The following SLC24A2 variants were observed in gnomAD, a reference collection of about 807,000 sequenced individuals.
SLC24A2 encodes the protein solute carrier family 24 member 2.
Under a neutral mutation model 62.0 loss-of-function variants are expected in SLC24A2, and 36 were observed. The ratio of observed to expected loss-of-function variants is 0.58; its 90% CI spans 0.44 to 0.77. SLC24A2 has a LOEUF of 0.77. SLC24A2 is among the 30% of genes least tolerant of loss of function. The probability of loss-of-function intolerance (pLI) is 0.00; values close to 1 mark genes in which losing one functional copy is unlikely to be tolerated. For synonymous variants in SLC24A2, 358 were observed against 294.0 expected (o/e 1.22, Z -2.23); for missense variants, 846 against 817.9 (o/e 1.03, Z -0.42).
At chr9:19,587,292 T>C (rs1836402954) in intron 5 of SLC24A2, among the ~76,000 whole-genome samples, 1 of 152,232 alleles carries the variant, frequency 6.6e-6, no homozygotes. Context: ...AATCATTTAT[T>C]TTATTGTAAA....
intron 2 of SLC24A2, among the ~76,000 whole-genome samples, chr9:19,633,260 C>T (rs931152148): frequency 2.6e-5 from 4 of 152,210 alleles, no homozygotes; most frequent in Admixed American, 1.3e-4. Context: ...CTGCTATGAA[C>T]ATTCATGTAT....
At chr9:20,195,467 A>G in the SLC24A2 span, among the ~76,000 whole-genome samples, 3 of 152,092 alleles carry the variant, frequency 2.0e-5, no homozygotes, top group African/African-American at 7.2e-5. Context: ...TTTATTGACC[A>G]TTTGGATTTC....
At chr9:20,029,338 T>C in the SLC24A2 span, among the ~76,000 whole-genome samples, 1 of 152,216 alleles carries the variant, frequency 6.6e-6, no homozygotes, top group Admixed American at 6.5e-5. Context: ...TTTCAGTAGG[T>C]GCTCTCTAAT....
chr9:19,921,552 C>A, the SLC24A2 span, among the ~76,000 whole-genome samples: 1 of 151,464 alleles, frequency 6.6e-6, no homozygotes. Context: ...TAGAACTTAC[C>A]ATGCCATGTG....
chr9:19,820,062 T>TATATATATAC, the SLC24A2 span, among the ~76,000 whole-genome samples: 1 of 129,262 alleles, frequency 7.7e-6, no homozygotes, highest in African/African-American at 3.1e-5. Context: ...TATACACATA[T>TATATATATAC]ATATATATAT....
the SLC24A2 span, among the ~76,000 whole-genome samples, chr9:19,851,149 G>A: frequency 3.4e-5 from 5 of 146,434 alleles, no homozygotes; most frequent in East Asian, 2.0e-4. Context: ...TCAGCCTCCC[G>A]AGTAGTTGGG....
At chr9:19,545,021 T>A (rs545767411) in intron 8 of SLC24A2, among the ~76,000 whole-genome samples, 1 of 152,158 alleles carries the variant, frequency 6.6e-6, no homozygotes, top group Non-Finnish European at 1.5e-5. Context: ...CGAAAAGTGT[T>A]TTCCAACTTG....
chr9:19,871,170 C>A, the SLC24A2 span, among the ~76,000 whole-genome samples: 1 of 152,082 alleles, frequency 6.6e-6, no homozygotes, highest in East Asian at 1.9e-4. Context: ...GTTCTTTTCT[C>A]CATTCTTTGA....
At chr9:19,980,747 T>C in the SLC24A2 span, among the ~76,000 whole-genome samples, 3 of 152,110 alleles carry the variant, frequency 2.0e-5, no homozygotes, top group African/African-American at 7.2e-5. Context: ...TCAAACAGGA[T>C]TAAGCAGAAA....
At chr9:20,086,680 T>A in the SLC24A2 span, among the ~76,000 whole-genome samples, 1 of 152,342 alleles carries the variant, frequency 6.6e-6, no homozygotes, top group South Asian at 2.1e-4. Flanking sequence ...CACTAACCTT[T>A]GCTCCTCTGT....
At chr9:20,231,879 G>C in the SLC24A2 span, among the ~76,000 whole-genome samples, 1 of 152,086 alleles carries the variant, frequency 6.6e-6, no homozygotes, top group African/African-American at 2.4e-5. Context: ...GTTTGTCATA[G>C]ATAGCTCTTA....
the SLC24A2 span, among the ~76,000 whole-genome samples, chr9:19,965,030 C>T: frequency 3.9e-4 from 59 of 152,154 alleles, no homozygotes; most frequent in Admixed American, 3.3e-3. Flanking sequence ...ATGGAGACTG[C>T]GTAACCAGCT....
chr9:19,912,140 C>A, the SLC24A2 span, among the ~76,000 whole-genome samples: 1 of 151,990 alleles, frequency 6.6e-6, no homozygotes, highest in African/African-American at 2.4e-5. Flanking sequence ...CCGAGGCCAG[C>A]AGTTAGATGT....
chr9:19,608,096 T>G lies in SLC24A2; in HGVS notation c.1079-10817A>C, dbSNP rs547916844. On this transcript the variant is annotated intron_variant, in intron 4 of 10. Transcript: ENST00000341998. ...AGTAGACCACGGCCAGTAGATTGGA[T>G]TTTATTTTTCTCCAGTGAAGATTTT... Among the ~76,000 whole-genome samples, 6 of 152,328 alleles carry G rather than the reference T, an allele frequency of 3.9e-5. No individual in the cohort carries two copies. The South Asian group carries it at 1.2e-3, about 32-fold the overall frequency.
the SLC24A2 span, among the ~76,000 whole-genome samples, chr9:19,984,403 G>A: frequency 1.3e-5 from 2 of 152,062 alleles, no homozygotes; most frequent in South Asian, 4.1e-4. Flanking sequence ...AATAGAATTG[G>A]AAAGTCCAAA....
At chr9:19,650,658 C>T (rs1160797596) in intron 2 of SLC24A2, among the ~76,000 whole-genome samples, 1 of 152,134 alleles carries the variant, frequency 6.6e-6, no homozygotes, top group Non-Finnish European at 1.5e-5. Flanking sequence ...CAGCAATGTT[C>T]TGGAGTGGAT....
chr9:19,951,431 T>G, the SLC24A2 span, among the ~76,000 whole-genome samples: 5 of 152,172 alleles, frequency 3.3e-5, no homozygotes, highest in African/African-American at 9.7e-5. Context: ...AATATTTGCT[T>G]AACCTAATGT....
the SLC24A2 span, among the ~76,000 whole-genome samples, chr9:20,181,688 G>A: frequency 1.3e-5 from 2 of 152,172 alleles, no homozygotes; most frequent in Admixed American, 6.5e-5. Flanking sequence ...AATGCTAGAA[G>A]AAAACCTCAG....
chr9:19,554,398 T>G (rs540067903), intron 7 of SLC24A2, among the ~76,000 whole-genome samples: 9 of 152,334 alleles, frequency 5.9e-5, no homozygotes, highest in Non-Finnish European at 1.2e-4. Flanking sequence ...TTAAAGGATA[T>G]GGGAGGATAT....
Sources: gnomAD v4.1 joint callset for allele counts (sites outside exome capture counted in the v4.1 genomes callset) on GRCh38, gnomAD v4.1.1 for gene constraint, MANE v1.5 for transcripts, NCBI Gene and HGNC (gene_info 2026-07-23, HGNC 2026-07-21) for gene names.